The following SASH1 variants were observed in gnomAD, a reference collection of about 807,000 sequenced individuals.
SASH1 encodes SAM and SH3 domain containing 1.
A neutral mutation model predicts 125.2 loss-of-function variants in SASH1; 44 were observed. That is an observed-to-expected ratio of 0.35 (90% confidence interval 0.28 to 0.45). The LOEUF (loss-of-function observed/expected upper bound fraction) is 0.45, where lower values mean the gene tolerates loss of function less well. Ranked by LOEUF, SASH1 falls within the 20% of genes least tolerant of loss-of-function variation. SASH1 has a pLI of 1.00. For synonymous variants in SASH1, 639 were observed against 649.1 expected (o/e 0.98, Z 0.24); for missense variants, 1,426 against 1,614.5 (o/e 0.88, Z 2.00).
the SASH1 span, among the ~76,000 whole-genome samples, chr6:148,238,479 C>T: frequency 1.3e-5 from 2 of 152,170 alleles, no homozygotes; most frequent in Non-Finnish European, 2.9e-5. Flanking sequence ...CTGCCTCAGC[C>T]TCCCAAAGTG....
intron 1 of SASH1, among the ~76,000 whole-genome samples, chr6:148,345,265 C>CT (rs1209702273): frequency 6.6e-6 from 1 of 152,178 alleles, no homozygotes; most frequent in African/African-American, 2.4e-5. Flanking sequence ...TGCAGATTTG[C>CT]TTTCCCTTCC....
chr6:148,358,484 C>T (rs1782043372), intron 1 of SASH1, among the ~76,000 whole-genome samples: 1 of 152,140 alleles, frequency 6.6e-6, no homozygotes, highest in Non-Finnish European at 1.5e-5. Context: ...GACACACTAC[C>T]TTCTGGGGTC....
chr6:148,340,719 A>C (rs1781295030), upstream of SASH1, among the ~76,000 whole-genome samples: 1 of 152,218 alleles, frequency 6.6e-6, no homozygotes, highest in Non-Finnish European at 1.5e-5. Context: ...CTCCGGCATC[A>C]GCCTAGGAAA....
rs570053376 is a variant in SASH1, at chr6:148,297,708, T to A, written n.74+25331T>A. Among the ~76,000 whole-genome samples, 30 of 152,142 alleles carry A rather than the reference T, an allele frequency of 2.0e-4. No individual in the cohort carries two copies. In the South Asian group the frequency reaches 6.0e-3, roughly 31 times the overall value. The stretch of plus-strand genomic sequence containing the variant: ...AGCTGGGTGTGGCAGCGTGCACCTG[T>A]AGTCTCAGCTACTCAGGAGGCTGAG... On this transcript the variant is annotated intron_variant and non_coding_transcript_variant, in intron 1 of 3. Coordinates refer to the SASH1 transcript ENST00000367469.
chr6:148,283,921 C>A (rs1391471004), intron 1 of SASH1, among the ~76,000 whole-genome samples: 1 of 124,734 alleles, frequency 8.0e-6, no homozygotes, highest in African/African-American at 3.3e-5. Context: ...AATATCATAT[C>A]TATGTAATTT....
chr6:148,453,378 G>T (rs1777194343), intron 4 of SASH1, among the ~76,000 whole-genome samples: 1 of 152,196 alleles, frequency 6.6e-6, no homozygotes, highest in Non-Finnish European at 1.5e-5. Flanking sequence ...GGAAGATGTG[G>T]AGACTCAACA....
chr6:148,313,292 T>G (rs1188116236), intron 1 of SASH1, among the ~76,000 whole-genome samples: 2 of 152,188 alleles, frequency 1.3e-5, no homozygotes, highest in Non-Finnish European at 2.9e-5. Context: ...CGGAGAAAAT[T>G]CATTAAGTGC....
intron 1 of SASH1, among the ~76,000 whole-genome samples, chr6:148,280,059 T>TC (rs1297196665): frequency 2.4e-5 from 1 of 42,054 alleles, no homozygotes. Flanking sequence ...CTAACATCAT[T>TC]CCCCCCCATC....
chr6:148,460,483 G>A (rs939685244), intron 4 of SASH1, among the ~76,000 whole-genome samples: 2 of 152,172 alleles, frequency 1.3e-5, no homozygotes, highest in African/African-American at 4.8e-5. Flanking sequence ...TAGAGTCAAC[G>A]TCCACACTTC....
rs190250187 is a variant in SASH1 at position 148,488,109 on chromosome 6, T to C, written c.729+394T>C. On this transcript the variant is annotated intron_variant, in intron 8 of 19. Transcript: ENST00000367467. ...ATTTCAAACCGAAACTCTGTTCCAA[T>C]TAAACAATAACTCTCCCTACGCCCC... Among the ~76,000 whole-genome samples, 60 of 152,226 alleles carry C rather than the reference T, an allele frequency of 3.9e-4. No individual in the cohort carries two copies. The East Asian group carries it at 7.1e-3, about 18-fold the overall frequency.
At chr6:148,197,367 A>G in the SASH1 span, among the ~76,000 whole-genome samples, 1 of 152,220 alleles carries the variant, frequency 6.6e-6, no homozygotes, top group Non-Finnish European at 1.5e-5. Flanking sequence ...TCTGCAGACA[A>G]CAGTCTATTT....
At chr6:148,301,756 T>C (rs2128513681) in intron 1 of SASH1, among the ~76,000 whole-genome samples, 1 of 149,216 alleles carries the variant, frequency 6.7e-6, no homozygotes, top group South Asian at 2.2e-4. Flanking sequence ...TTTTTTTTTT[T>C]TTTTTTTTTT....
chr6:148,477,715 T>G (rs1218474323), intron 7 of SASH1, among the ~76,000 whole-genome samples: 1 of 125,720 alleles, frequency 8.0e-6, no homozygotes, highest in Admixed American at 7.7e-5. Context: ...TTTTTTTTTT[T>G]GAGATGGAGT....
the SASH1 span, among the ~76,000 whole-genome samples, chr6:148,254,545 T>C: frequency 3.9e-5 from 6 of 152,228 alleles, no homozygotes; most frequent in African/African-American, 1.4e-4. Context: ...AAGATCTGAA[T>C]AGATAGCTCT....
intron 1 of SASH1, among the ~76,000 whole-genome samples, chr6:148,343,523 A>G (rs147042712): frequency 2.3e-4 from 35 of 152,366 alleles, no homozygotes; most frequent in African/African-American, 8.4e-4. Flanking sequence ...GAGGCCTTCA[A>G]AAAGTAGATG....
At chr6:148,339,327 A>G (rs1303367075), upstream of SASH1, among the ~76,000 whole-genome samples, 2 of 152,146 alleles carry the variant, frequency 1.3e-5, no homozygotes, top group African/African-American at 4.8e-5. Flanking sequence ...TACAGGAATG[A>G]GTAACCATGC....
At chr6:148,222,603 CG>C in the SASH1 span, among the ~76,000 whole-genome samples, 269 of 152,272 alleles carry the variant, frequency 1.8e-3, 1 homozygote, top group African/African-American at 6.2e-3. Context: ...GAAAACATTA[CG>C]GTTATGACTA....
In SASH1 at chr6:148,544,607, G is replaced by C; in HGVS notation, c.3137G>C (p.Gly1046Ala). Residue 1046 changes from glycine to alanine, a missense_variant, in exon 18 of 20, where the codon GGG becomes GCG. Gly to Ala is a moderately conservative substitution (Grantham distance 60, BLOSUM62 0). Coordinates refer to ENST00000367467, the MANE Select transcript of SASH1 (RefSeq NM_015278.5). This position sits in a 1 kb window ranked among gnomAD's most constrained non-coding sequence, Gnocchi z 6.4. ...GCACTGGCTCCCAGGCCTCTCTCAG[G>C]GCAGGCGCCTGGCAGCCCACCAAGC... ...PPALAPRPLS[G>A]QAPGSPPSTR... The C allele has an allele frequency of 6.2e-7, 1 of 1,613,292 alleles. No homozygotes were observed. Among genetic ancestry groups the C allele is most frequent in the Non-Finnish European group, 8.5e-7 (1 of 1,179,870 alleles).
chr6:148,457,419 T>C (rs1009483670), intron 4 of SASH1, among the ~76,000 whole-genome samples: 4 of 152,094 alleles, frequency 2.6e-5, no homozygotes, highest in Non-Finnish European at 5.9e-5. Flanking sequence ...CAAGTTTTAG[T>C]GGGAAAAACA....
Sources: allele counts gnomAD v4.1 joint callset (sites outside exome capture counted in the v4.1 genomes callset), GRCh38; gene constraint gnomAD v4.1.1; non-coding constraint Gnocchi (gnomAD v3.1); transcripts MANE v1.5; gene names NCBI Gene and HGNC (gene_info 2026-07-23, HGNC 2026-07-21).